ANLN: variants seen among roughly 807,000 people sequenced by gnomAD.
ANLN encodes the protein anillin, actin binding protein, also known as anillin.
ANLN carries 59 observed loss-of-function variants against 135.1 expected under a neutral mutation model. The observed-to-expected ratio is 0.44, with a 90% CI of 0.35 to 0.54. The LOEUF (loss-of-function observed/expected upper bound fraction) is 0.54, where lower values mean the gene tolerates loss of function less well. ANLN is among the 20% of genes least tolerant of loss of function. ANLN has a pLI of 0.00. For missense variants in ANLN, 1,182 were observed against 1,340.0 expected (o/e 0.88, Z 1.84); for synonymous variants, 406 against 456.4 (o/e 0.89, Z 1.41).
chr7:36,437,435 T>C (rs986458565), intron 20 of ANLN, among the ~76,000 whole-genome samples: 1 of 152,248 alleles, frequency 6.6e-6, no homozygotes, highest in Admixed American at 6.5e-5. Flanking sequence ...CTTCATTTAT[T>C]GATGGGCACT....
chr7:36,432,897 C>T (rs768890799), intron 20 of ANLN, among the ~76,000 whole-genome samples: 2 of 152,202 alleles, frequency 1.3e-5, no homozygotes, highest in Non-Finnish European at 2.9e-5. Flanking sequence ...AACCTCACAA[C>T]AGTATAGTTC....
Position 36,421,914 on chromosome 7 carries a change from C to G in ANLN, c.2221C>G (p.Leu741Val). 2 of 1,613,722 alleles carry G rather than the reference C, an allele frequency of 1.2e-6. No homozygotes were observed. Among genetic ancestry groups the G allele is most frequent in the Non-Finnish European group, 1.7e-6 (2 of 1,179,808 alleles). ...AGTGATCTATCAAGCTAGCCAGGCT[C>G]TTAACTGCTGTGTTGATGAAGAACA... ...QTVIYQASQA[L>V]NCCVDEEHGK... The change falls in exon 13 of 24, where the codon CTT becomes GTT. Residue 741 changes from leucine to valine, a missense_variant. Physicochemically the swap from Leu to Val is conservative, Grantham distance 32. Transcript: ENST00000265748.
At chr7:36,450,597 T>C (rs577750653) in intron 23 of ANLN, among the ~76,000 whole-genome samples, 14 of 152,334 alleles carry the variant, frequency 9.2e-5, no homozygotes, top group African/African-American at 3.4e-4. Context: ...GACTGCCGAT[T>C]TGTTTTAAAA....
intron 17 of ANLN, 143 bp from the exon 18 acceptor site, chr7:36,425,559 G>T: frequency 1.5e-6 from 1 of 652,214 alleles, no homozygotes; most frequent in Non-Finnish European, 2.6e-6. Flanking sequence ...CTCCCAAAGT[G>T]ATGGGATTAC....
At chr7:36,423,975 G>A in intron 15 of ANLN, 32 bp downstream of exon 15, 1 of 1,593,790 alleles carries the variant, frequency 6.3e-7, no homozygotes, top group Non-Finnish European at 8.5e-7. Context: ...TGATTCGAAT[G>A]CATTTTTCTT....
At chr7:36,423,261 G>T (rs971623036) in intron 14 of ANLN, among the ~76,000 whole-genome samples, 1 of 152,064 alleles carries the variant, frequency 6.6e-6, no homozygotes, top group African/African-American at 2.4e-5. Context: ...GTTGTGAAAG[G>T]TTTGAGCACT....
In ANLN at chr7:36,443,758, A is replaced by G. The variant is rs779319963; in HGVS notation, c.2974A>G (p.Ile992Val). 4 of 1,608,684 alleles carry G rather than the reference A, an allele frequency of 2.5e-6. No homozygotes were observed. The highest frequency in any genetic ancestry group is 1.1e-5 in the South Asian group (1 of 90,082). ...GCATTTCAACTGACTTTTCCAGACC[A>G]TATTTGAAGATGTTAGTGGTTTTGG... ...SSVEERGFLT[I>V]FEDVSGFGAW... The change falls in exon 22 of 24, where the codon ATA becomes GTA. Residue 992 changes from isoleucine (I) to valine (V), a missense_variant. Around this residue, in one of 3 missense-constraint regions of ANLN, gnomAD observed 82 missense variants for 133.3 expected, o/e 0.62. Transcript: ENST00000265748.
At chr7:36,390,170 T>C (rs1786370597) in intron 1 of ANLN, 126 bp downstream of exon 1, 1 of 1,540,862 alleles carries the variant, frequency 6.5e-7, no homozygotes, top group East Asian at 2.3e-5. Flanking sequence ...GTGCGCAGTG[T>C]GTGCGGGCCG....
chr7:36,436,374 A>C (rs1788551016), intron 20 of ANLN, among the ~76,000 whole-genome samples: 2 of 152,112 alleles, frequency 1.3e-5, no homozygotes, highest in South Asian at 4.1e-4. Context: ...TCATTGATAG[A>C]TATTTGGGCT....
chr7:36,406,830 G>C (rs945859957), intron 4 of ANLN, among the ~76,000 whole-genome samples: 1 of 152,080 alleles, frequency 6.6e-6, no homozygotes, highest in Non-Finnish European at 1.5e-5. Flanking sequence ...GAATGATAGA[G>C]CCTCTTCTTA....
intron 21 of ANLN, among the ~76,000 whole-genome samples, chr7:36,441,987 A>C (rs147268412): frequency 2.6e-5 from 4 of 152,224 alleles, no homozygotes; most frequent in African/African-American, 4.8e-5. Context: ...GCAGGAGAGC[A>C]TATGGTTGGA....
Position 36,389,977 on chromosome 7 carries a change from C to T in ANLN, c.-50C>T. On this transcript the variant is annotated 5_prime_UTR_variant, in exon 1 of 24. Coordinates refer to ENST00000265748, the MANE Select transcript of ANLN (RefSeq NM_018685.5). The stretch of plus-strand genomic sequence containing the variant: ...TGAGCTGAGACTCACTTTTCTCTTC[C>T]TGAATTTGAACCACCGTTTCCATCG... The T allele has an allele frequency of 6.2e-7, 1 of 1,614,080 alleles. No homozygotes were observed. Among genetic ancestry groups the T allele is most frequent in the Non-Finnish European group, 8.5e-7 (1 of 1,179,952 alleles).
At chr7:36,445,448 G>T (rs1284808027) in intron 22 of ANLN, among the ~76,000 whole-genome samples, 3 of 152,020 alleles carry the variant, frequency 2.0e-5, no homozygotes, top group African/African-American at 7.2e-5. Context: ...GTATTATTCT[G>T]CAACTTGCCT....
At chr7:36,417,788 C>A (rs1787709052) in intron 9 of ANLN, among the ~76,000 whole-genome samples, 1 of 146,026 alleles carries the variant, frequency 6.8e-6, no homozygotes, top group African/African-American at 2.5e-5. Flanking sequence ...AGCGATTCTT[C>A]TGCCTCAGCC....
chr7:36,401,415 T>C lies in ANLN; in HGVS notation c.487+2022T>C, dbSNP rs370416692. ...GTGCAGTGGCGCAATCTCGGCTCAC[T>C]GCAACCTCCGCCTCCCAGGTTCAAG... is the stretch of plus-strand genomic sequence containing the variant. On this transcript the variant is annotated intron_variant, in intron 3 of 23. Transcript: ENST00000265748. Among the ~76,000 whole-genome samples, 10 of 152,318 alleles carry C rather than the reference T, an allele frequency of 6.6e-5. No individual in the cohort carries two copies. The East Asian group carries it at 1.5e-3, about 24-fold the overall frequency.
chr7:36,390,244 C>T (rs1786378867), intron 1 of ANLN, 200 bp downstream of exon 1: 1 of 805,714 alleles, frequency 1.2e-6, no homozygotes, highest in Non-Finnish European at 1.9e-6. Flanking sequence ...TGTTTCGGTC[C>T]TACAGATAAA....
intron 3 of ANLN, among the ~76,000 whole-genome samples, chr7:36,400,731 G>T (rs1786911800): frequency 6.6e-6 from 1 of 152,200 alleles, no homozygotes; most frequent in South Asian, 2.1e-4. Flanking sequence ...CAGCTCAGTG[G>T]CTACTGGGCC....
chr7:36,420,445 G>A, intron 11 of ANLN, 131 bp downstream of exon 11: 2 of 1,326,276 alleles, frequency 1.5e-6, no homozygotes, highest in Non-Finnish European at 2.1e-6. Flanking sequence ...ACTTTTGTTA[G>A]CCTCTCTTTC....
chr7:36,397,994 T>C (rs1029007272), intron 2 of ANLN, among the ~76,000 whole-genome samples: 3 of 152,346 alleles, frequency 2.0e-5, no homozygotes, highest in Admixed American at 2.0e-4. Flanking sequence ...CTTAGGTTGA[T>C]GTCAACGAGG....
Sources: gnomAD v4.1 joint callset for allele counts (sites outside exome capture counted in the v4.1 genomes callset) on GRCh38, gnomAD v4.1.1 for gene constraint, gnomAD v4.1.1 regional missense constraint, MANE v1.5 for transcripts, NCBI Gene and HGNC (gene_info 2026-07-23, HGNC 2026-07-21) for gene names.